Variants in LONRF2 observed in about 807,000 individuals in gnomAD.
The protein encoded by LONRF2 is LON peptidase N-terminal domain and ring finger 2.
Under a neutral mutation model 66.6 loss-of-function variants are expected in LONRF2, and 35 were observed. That is an observed-to-expected ratio of 0.53 (90% CI 0.40 to 0.70). The LOEUF is 0.70. Ranked by LOEUF, LONRF2 falls within the 30% of genes least tolerant of loss-of-function variation. The pLI is 0.00. For missense variants in LONRF2, 902 were observed against 1,002.1 expected (o/e 0.90, Z 1.35); for synonymous variants, 417 against 418.1 (o/e 1.00, Z 0.03).
At chr2:100,299,659 A>C in intron 5 of LONRF2, 58 bp downstream of exon 5, 4 of 1,268,820 alleles carry the variant, frequency 3.2e-6, no homozygotes, top group Non-Finnish European at 4.5e-6. Context: ...ATTGAATACT[A>C]GTTAACATTC....
chr2:100,316,054 C>T (rs936946105), intron 1 of LONRF2, among the ~76,000 whole-genome samples: 2 of 152,058 alleles, frequency 1.3e-5, no homozygotes, highest in African/African-American at 2.4e-5. Flanking sequence ...GGTGCGGTGG[C>T]TCACACCTGT....
chr2:100,286,811 T>A, intron 11 of LONRF2, 103 bp downstream of exon 11: 1 of 1,361,520 alleles, frequency 7.3e-7, no homozygotes, highest in Admixed American at 2.2e-5. Context: ...AGCAACCACA[T>A]TGGGGTAACC....
At chr2:100,292,619 T>A (rs1172298714) in intron 9 of LONRF2, among the ~76,000 whole-genome samples, 2 of 152,198 alleles carry the variant, frequency 1.3e-5, no homozygotes, top group African/African-American at 4.8e-5. Flanking sequence ...ATATTCTCAG[T>A]GCACGTGGAA....
rs533302400 is a variant in LONRF2, at chr2:100,283,141, G to A, written c.*1157C>T. ...AGTTATTCCAATCAATATCACCAAC[G>A]TGCATTACAGGATGGAAGTCATACT... On this transcript the variant is annotated 3_prime_UTR_variant, in exon 12 of 12. Transcript: ENST00000393437. 12 of 152,206 alleles carry A rather than the reference G, an allele frequency of 7.9e-5. No homozygotes were observed. The highest frequency in any genetic ancestry group is 2.2e-4 in the African/African-American group (9 of 41,522). 9.4% of individuals were successfully genotyped at this position (152,206 alleles called of 1,614,324 possible).
At chr2:100,302,776 A>T in intron 3 of LONRF2, 145 bp downstream of exon 3, 1 of 761,704 alleles carries the variant, frequency 1.3e-6, no homozygotes, top group Non-Finnish European at 1.9e-6. Context: ...TGAACCTTAC[A>T]ATTATTGCCA....
rs1466639797 is a variant in LONRF2 at position 100,306,320 on chromosome 2, C to T, written c.798+2787G>A. The stretch of plus-strand genomic sequence containing the variant: ...TAGTGTCTAAATTTGCTTCGATTAT[C>T]AAAAGTTCTGAGAAAATAATACTGT... On this transcript the variant is annotated intron_variant, in intron 2 of 11. Coordinates refer to ENST00000393437, the MANE Select transcript of LONRF2 (RefSeq NM_198461.4). Among the ~76,000 whole-genome samples, 4 of 152,166 alleles carry T rather than the reference C, an allele frequency of 2.6e-5. No homozygotes were observed. In the East Asian group the frequency reaches 7.7e-4, roughly 29 times the overall value.
At chr2:100,314,154 C>A (rs553660606) in intron 1 of LONRF2, among the ~76,000 whole-genome samples, 11 of 152,016 alleles carry the variant, frequency 7.2e-5, no homozygotes, top group Admixed American at 5.2e-4. Flanking sequence ...AGAGGTTGTA[C>A]GAGTTTAGCT....
intron 2 of LONRF2, among the ~76,000 whole-genome samples, chr2:100,304,882 T>G (rs1675261123): frequency 6.6e-6 from 1 of 151,348 alleles, no homozygotes; most frequent in Non-Finnish European, 1.5e-5. Flanking sequence ...CCACCTGCCT[T>G]GGCCTCACCA....
chr2:100,296,032 GGAT>G (rs1675059683), intron 7 of LONRF2, among the ~76,000 whole-genome samples: 1 of 152,102 alleles, frequency 6.6e-6, no homozygotes, highest in Non-Finnish European at 1.5e-5. Context: ...GTATTACTTA[GGAT>G]GCATGCAAAA....
At chr2:100,290,560 T>C in intron 9 of LONRF2, 140 bp from the exon 10 acceptor site, 1 of 819,374 alleles carries the variant, frequency 1.2e-6, no homozygotes, top group Non-Finnish European at 1.9e-6. Flanking sequence ...AAGGTTATTG[T>C]CGCTAAGAGA....
At chr2:100,289,365 C>T (rs1223689928) in intron 10 of LONRF2, among the ~76,000 whole-genome samples, 3 of 150,626 alleles carry the variant, frequency 2.0e-5, no homozygotes, top group Non-Finnish European at 3.0e-5. Context: ...GCTACAGCAT[C>T]AAATACAAAT....
At position 100,294,256 on chromosome 2, in the gene LONRF2, C is replaced by T; in HGVS notation, c.1730G>A (p.Gly577Asp). ...CGCGTGCTCAGCAGATAAACACATG[C>T]CAAACCGCTTGGTGCCAGTTTCCAT... ...RCMETGTKRF[G>D]MCLSAEHAGL... The change falls in exon 9 of 12, where the codon GGC becomes GAC. Residue 577 changes from glycine to aspartate, a missense_variant. Coordinates refer to ENST00000393437, the MANE Select transcript of LONRF2 (RefSeq NM_198461.4). 6.2e-7 allele frequency: 1 copy of T among 1,605,574 alleles called. No homozygotes were observed. Among genetic ancestry groups the T allele is most frequent in the Admixed American group, 1.7e-5 (1 of 57,736 alleles).
intron 5 of LONRF2, 81 bp downstream of exon 5, chr2:100,299,636 A>G: frequency 8.7e-7 from 1 of 1,148,168 alleles, no homozygotes. Flanking sequence ...TGTTGTAAAA[A>G]TTTAAAAAAT....
intron 1 of LONRF2, among the ~76,000 whole-genome samples, chr2:100,313,770 A>C (rs1675452757): frequency 6.6e-6 from 1 of 152,118 alleles, no homozygotes; most frequent in Non-Finnish European, 1.5e-5. Flanking sequence ...GGTAACCACC[A>C]TTCTCACCTC....
Position 100,279,732 on chromosome 2 carries a change from AT to A in LONRF2, c.*4565del. On this transcript the variant is annotated 3_prime_UTR_variant, in exon 12 of 12. Transcript: ENST00000393437. The stretch of plus-strand genomic sequence containing the variant: ...TGGCTCTTACAACCTAGGAAGCAAT[AT>A]CCCCCACCCTAACGACCCGGGGCTA... 6.6e-6 allele frequency: 1 copy of A among 152,202 alleles called. No homozygotes were observed. The highest frequency in any genetic ancestry group is 1.5e-5 in the Non-Finnish European group (1 of 68,096). The allele number at this position is 152,202 out of a possible 1,614,324, so 9.4% of individuals were successfully genotyped here.
chr2:100,300,021 G>GGC (rs1675150382), intron 4 of LONRF2, 103 bp from the exon 5 acceptor site: 1 of 581,472 alleles, frequency 1.7e-6, no homozygotes. Flanking sequence ...AAAAAAAAAG[G>GGC]GGGGGGCATA....
In LONRF2 at chr2:100,282,292, A is replaced by G. The variant is rs1674756329; in HGVS notation, c.*2006T>C. ...GAAGAGAAAGCAACAGGTTCCAAGT[A>G]TTATAGCAAGCATACCAGCTTTACT... On this transcript the variant is annotated 3_prime_UTR_variant, in exon 12 of 12. Coordinates refer to ENST00000393437, the MANE Select transcript of LONRF2 (RefSeq NM_198461.4). 6.6e-6 allele frequency: 1 copy of G among 152,240 alleles called. No homozygotes were observed. The highest frequency in any genetic ancestry group is 2.4e-5 in the African/African-American group (1 of 41,464). 9.4% of individuals were successfully genotyped at this position (152,240 alleles called of 1,614,324 possible). A position where few individuals can be genotyped will look rare whatever the true frequency, so the allele number is the denominator to read the frequency against.
chr2:100,314,267 C>A (rs1451794177), intron 1 of LONRF2, among the ~76,000 whole-genome samples: 1 of 152,100 alleles, frequency 6.6e-6, no homozygotes, highest in Non-Finnish European at 1.5e-5. Flanking sequence ...CTAAGTATTG[C>A]CAGTTCTTTT....
In LONRF2 at chr2:100,321,932, C is replaced by T; in HGVS notation, c.162G>A (p.Ala54=). ...TCAGGCACAGGCCGCGGTCCGGCTG[C>T]GCCAGCCCGGCTAGCATGGAGCGAA... The part of the protein sequence containing the change: ...ELFRSMLAGL[A]QPDRGLCLRL... Residue 54 remains alanine (A), a synonymous_variant, in exon 1 of 12, where the codon GCG becomes GCA. Coordinates refer to ENST00000393437, the MANE Select transcript of LONRF2 (RefSeq NM_198461.4). 2 of 1,398,520 alleles carry T rather than the reference C, an allele frequency of 1.4e-6. No individual in the cohort carries two copies. Among genetic ancestry groups the T allele is most frequent in the Non-Finnish European group, 1.9e-6 (2 of 1,073,268 alleles). 86.6% of individuals were successfully genotyped at this position (1,398,520 alleles called of 1,614,324 possible).
Sources: gnomAD v4.1 joint callset for allele counts (sites outside exome capture counted in the v4.1 genomes callset) on GRCh38, gnomAD v4.1.1 for gene constraint, MANE v1.5 for transcripts, NCBI Gene and HGNC (gene_info 2026-07-23, HGNC 2026-07-21) for gene names.